Variants in ZFAND3 observed in about 807,000 individuals in gnomAD.
ZFAND3 encodes zinc finger AN1-type containing 3.
Under a neutral mutation model 29.6 loss-of-function variants are expected in ZFAND3, and 10 were observed. The observed-to-expected ratio is 0.34, with a 90% CI of 0.21 to 0.57. ZFAND3 has a LOEUF of 0.57. Among genes scored for constraint, ZFAND3 ranks in the 20% least tolerant of loss-of-function variants. The probability of loss-of-function intolerance (pLI) is 0.86; values close to 1 mark genes in which losing one functional copy is unlikely to be tolerated. For missense variants in ZFAND3, 230 were observed against 304.5 expected, an observed-to-expected ratio of 0.76 and a Z score of 1.82; for synonymous variants, 128 against 112.6, an observed-to-expected ratio of 1.14 and a Z score of -0.87.
At position 37,977,770 on chromosome 6, in the gene ZFAND3, G is replaced by GTTTTTT. The variant is rs1213067308; in HGVS notation, c.112+47772_112+47777dup. Among the ~76,000 whole-genome samples, 4 of 108,862 alleles carry GTTTTTT rather than the reference G, an allele frequency of 3.7e-5. 1 individual carries two copies. Among genetic ancestry groups the GTTTTTT allele is most frequent in the African/African-American group, 6.8e-5 (2 of 29,350 alleles). The allele number at this position is 108,862 out of a possible 152,430, so 71.4% of individuals were successfully genotyped here. A position where few individuals can be genotyped will look rare whatever the true frequency, so the allele number is the denominator to read the frequency against. On this transcript the variant is annotated intron_variant, in intron 2 of 5. Transcript: ENST00000287218. ...CCCCCTTTTATTTCTGGTTTGCTGA[G>GTTTTTT]TTTTTTGTTTTTTTTTTTTTTCAAA...
At chr6:38,015,555 G>A (rs1304200770) in intron 2 of ZFAND3, among the ~76,000 whole-genome samples, 1 of 152,190 alleles carries the variant, frequency 6.6e-6, no homozygotes, top group Admixed American at 6.5e-5. Flanking sequence ...CTCTCCAGCA[G>A]CAAGTGAATA....
intron 5 of ZFAND3, among the ~76,000 whole-genome samples, chr6:38,141,946 G>GT (rs1765966781): frequency 1.3e-5 from 2 of 152,208 alleles, no homozygotes; most frequent in South Asian, 2.1e-4. Flanking sequence ...ATTTATGCCC[G>GT]TAACAGCCCC....
At chr6:37,938,522 C>A (rs4394213) in intron 2 of ZFAND3, among the ~76,000 whole-genome samples, 12,568 of 152,110 alleles carry the variant, frequency 0.083, 630 homozygotes, top group African/African-American at 0.14. Flanking sequence ...TCAGCACTTG[C>A]TTGACTATGT....
At chr6:37,875,637 T>A (rs79905937) in intron 1 of ZFAND3, among the ~76,000 whole-genome samples, 2,022 of 150,476 alleles carry the variant, frequency 0.013, 122 homozygotes, top group Admixed American at 0.1. Context: ...TTTCTGTATT[T>A]TTTTTTTTTT....
intron 2 of ZFAND3, among the ~76,000 whole-genome samples, chr6:38,048,634 ATT>A (rs1763958221): frequency 4.0e-5 from 6 of 148,784 alleles, no homozygotes; most frequent in Admixed American, 6.7e-5. Context: ...AAAAAAAAAA[ATT>A]CAATGCCTGT....
intron 5 of ZFAND3, among the ~76,000 whole-genome samples, chr6:38,140,125 G>A (rs796320708): frequency 3.3e-5 from 5 of 152,280 alleles, no homozygotes; most frequent in African/African-American, 1.2e-4. Context: ...AGTAGCAAGT[G>A]TCCTATGTTA....
chr6:37,966,975 A>G (rs927282192), intron 2 of ZFAND3, among the ~76,000 whole-genome samples: 3 of 152,162 alleles, frequency 2.0e-5, no homozygotes, highest in Non-Finnish European at 4.4e-5. Flanking sequence ...GTACCTTTGC[A>G]GGAATATCAT....
At chr6:38,032,874 A>G (rs757498233) in intron 2 of ZFAND3, among the ~76,000 whole-genome samples, 15 of 152,216 alleles carry the variant, frequency 9.9e-5, no homozygotes, top group Non-Finnish European at 1.8e-4. Context: ...TATTTATTCA[A>G]ATCTAGGAAC....
At chr6:38,034,575 A>G (rs539620502) in intron 2 of ZFAND3, among the ~76,000 whole-genome samples, 1 of 152,186 alleles carries the variant, frequency 6.6e-6, no homozygotes, top group Non-Finnish European at 1.5e-5. Flanking sequence ...ATTCTTGACC[A>G]ATGTAACTAA....
chr6:38,086,610 CAAG>C (rs746915133), intron 4 of ZFAND3, among the ~76,000 whole-genome samples: 8 of 152,190 alleles, frequency 5.3e-5, no homozygotes, highest in Non-Finnish European at 1.2e-4. Flanking sequence ...CAACAAACTA[CAAG>C]AAGATTCCCT....
chr6:38,068,843 G>T (rs1374662726), intron 3 of ZFAND3, among the ~76,000 whole-genome samples: 1 of 152,140 alleles, frequency 6.6e-6, no homozygotes, highest in African/African-American at 2.4e-5. Flanking sequence ...TCCCAAAATA[G>T]AAATTTCAGA....
At chr6:38,060,025 C>CA (rs61095530) in intron 2 of ZFAND3, among the ~76,000 whole-genome samples, 4,512 of 152,230 alleles carry the variant, frequency 0.03, 177 homozygotes, top group African/African-American at 0.085. Flanking sequence ...GGTTTAAGTA[C>CA]AGTTGGCCCT....
intron 4 of ZFAND3, among the ~76,000 whole-genome samples, chr6:38,098,563 C>T (rs930419531): frequency 4.0e-5 from 6 of 151,294 alleles, no homozygotes; most frequent in Non-Finnish European, 7.4e-5. Context: ...TGCAGTGGCA[C>T]GATCTTGGCT....
chr6:37,992,696 CTCTT>C (rs1364307164), intron 2 of ZFAND3, among the ~76,000 whole-genome samples: 1 of 152,150 alleles, frequency 6.6e-6, no homozygotes, highest in Non-Finnish European at 1.5e-5. Flanking sequence ...CCATTCAAAT[CTCTT>C]TAATTGCCCC....
chr6:37,879,022 A>G (rs181063055), intron 1 of ZFAND3, among the ~76,000 whole-genome samples: 64 of 152,278 alleles, frequency 4.2e-4, no homozygotes, highest in African/African-American at 1.3e-3. Flanking sequence ...CTTGGTCACA[A>G]CTGGAGTCAG....
chr6:38,008,564 G>C (rs1763090461), intron 2 of ZFAND3, among the ~76,000 whole-genome samples: 1 of 152,076 alleles, frequency 6.6e-6, no homozygotes, highest in Non-Finnish European at 1.5e-5. Context: ...CTAGAATTTT[G>C]AGCATGAGAA....
intron 2 of ZFAND3, among the ~76,000 whole-genome samples, chr6:38,012,030 C>A (rs1186696741): frequency 2.0e-5 from 3 of 152,050 alleles, no homozygotes; most frequent in Non-Finnish European, 4.4e-5. Context: ...GAAACAAATT[C>A]TGTAATAGTA....
Position 38,153,160 on chromosome 6 carries a change from A to G in ZFAND3, c.*771A>G, listed in dbSNP as rs1232077135. On this transcript the variant is annotated 3_prime_UTR_variant, in exon 6 of 6. Coordinates refer to ENST00000287218, the MANE Select transcript of ZFAND3 (RefSeq NM_021943.3). ...CCGCCTCCGCCGGCTCTGGTCTGCC[A>G]TTCGCCAGTGCAGGGATCTGGCACG... 12 of 985,390 alleles carry G rather than the reference A, an allele frequency of 1.2e-5. No individual in the cohort carries two copies. The highest frequency in any genetic ancestry group is 1.4e-5 in the Non-Finnish European group (12 of 829,964). The allele number at this position is 985,390 out of a possible 1,614,324, so 61.0% of individuals were successfully genotyped here.
chr6:37,864,800 A>G (rs998731205), intron 1 of ZFAND3, among the ~76,000 whole-genome samples: 9 of 151,930 alleles, frequency 5.9e-5, no homozygotes, highest in Admixed American at 1.3e-4. Flanking sequence ...CTCTCACTCT[A>G]TATTTATTCT....
Sources: allele counts gnomAD v4.1 joint callset (sites outside exome capture counted in the v4.1 genomes callset), GRCh38; gene constraint gnomAD v4.1.1; transcripts MANE v1.5; gene names NCBI Gene and HGNC (gene_info 2026-07-23, HGNC 2026-07-21).